MACROD2: variants seen among roughly 807,000 people sequenced by gnomAD.
The protein encoded by MACROD2 is ADP-ribose glycohydrolase MACROD2.
In MACROD2, 36 loss-of-function variants were observed where a neutral mutation model predicts 70.4. The ratio of observed to expected loss-of-function variants is 0.51; its 90% CI spans 0.39 to 0.68. The LOEUF (loss-of-function observed/expected upper bound fraction) is 0.68, where lower values mean the gene tolerates loss of function less well. MACROD2 is among the 30% of genes least tolerant of loss of function. The pLI is 0.00. For synonymous variants in MACROD2, 172 were observed against 178.8 expected (o/e 0.96, Z 0.30); for missense variants, 496 against 538.4 (o/e 0.92, Z 0.78).
At chr20:15,378,409 G>A (rs1034970712) in intron 6 of MACROD2, among the ~76,000 whole-genome samples, 1 of 152,000 alleles carries the variant, frequency 6.6e-6, no homozygotes, top group African/African-American at 2.4e-5. Context: ...GAAGAGAAAG[G>A]TAGGGGCACA....
chr20:14,978,722 A>G (rs1321777940), intron 5 of MACROD2, among the ~76,000 whole-genome samples: 2 of 146,924 alleles, frequency 1.4e-5, no homozygotes, highest in Non-Finnish European at 3.0e-5. Flanking sequence ...CAACAGTTTA[A>G]CAATCTGGTT....
At chr20:14,152,043 G>A (rs1042643280) in intron 3 of MACROD2, among the ~76,000 whole-genome samples, 2 of 151,372 alleles carry the variant, frequency 1.3e-5, no homozygotes, top group African/African-American at 4.9e-5. Context: ...GGATGGTCTC[G>A]ATCTCCTGAC....
chr20:15,772,102 ATAT>A (rs1434650117), intron 8 of MACROD2, among the ~76,000 whole-genome samples: 1,321 of 77,444 alleles, frequency 0.017, 51 homozygotes, highest in African/African-American at 0.047. Context: ...AAAAAAAAAA[ATAT>A]ATATATATAT....
chr20:15,177,055 C>A (rs1465712051), intron 5 of MACROD2, among the ~76,000 whole-genome samples: 1 of 152,188 alleles, frequency 6.6e-6, no homozygotes, highest in East Asian at 1.9e-4. Flanking sequence ...GCCTGCATGC[C>A]TGGCTGTGCA....
At chr20:15,493,289 T>A (rs1413157955) in intron 7 of MACROD2, among the ~76,000 whole-genome samples, 1 of 152,156 alleles carries the variant, frequency 6.6e-6, no homozygotes, top group Non-Finnish European at 1.5e-5. Flanking sequence ...GAATGGTGCA[T>A]GGGGTTAAGG....
intron 5 of MACROD2, among the ~76,000 whole-genome samples, chr20:15,138,583 A>C (rs937268971): frequency 6.6e-6 from 1 of 152,186 alleles, no homozygotes; most frequent in Non-Finnish European, 1.5e-5. Flanking sequence ...ATTTTCTCTC[A>C]AATAATTCAA....
In MACROD2 at chr20:15,167,577, C is replaced by T. The variant is rs569826379; in HGVS notation, c.419-62363C>T. Among the ~76,000 whole-genome samples, 9 of 152,290 alleles carry T rather than the reference C, an allele frequency of 5.9e-5. 1 individual carries two copies. In the East Asian group the frequency reaches 1.5e-3, roughly 26 times the overall value. ...TTTTACAATTGCTCTTCAGAGGCCT[C>T]CCCTGCTCTCATTATCTACTATAAT... On this transcript the variant is annotated intron_variant, in intron 5 of 17. Transcript: ENST00000684519.
At chr20:14,676,989 G>T (rs1327771327) in intron 4 of MACROD2, among the ~76,000 whole-genome samples, 1 of 152,076 alleles carries the variant, frequency 6.6e-6, no homozygotes, top group Admixed American at 6.6e-5. Context: ...TCTGTATTTA[G>T]AACTTTGTCT....
chr20:14,791,727 C>A (rs1324210254), intron 5 of MACROD2, among the ~76,000 whole-genome samples: 2 of 151,702 alleles, frequency 1.3e-5, no homozygotes, highest in African/African-American at 4.8e-5. Flanking sequence ...TGAAGAAATT[C>A]GTATATGTAA....
chr20:15,354,927 G>A (rs1218336785), intron 6 of MACROD2, among the ~76,000 whole-genome samples: 1 of 152,154 alleles, frequency 6.6e-6, no homozygotes, highest in African/African-American at 2.4e-5. Flanking sequence ...TTGTGCACTA[G>A]TTTTGTACTT....
At chr20:14,319,891 A>G (rs1028640597) in intron 3 of MACROD2, among the ~76,000 whole-genome samples, 1 of 151,746 alleles carries the variant, frequency 6.6e-6, no homozygotes, top group African/African-American at 2.4e-5. Flanking sequence ...TGATTATCTC[A>G]TCCGCCCTCT....
intron 5 of MACROD2, among the ~76,000 whole-genome samples, chr20:14,735,500 T>C (rs1479352833): frequency 1.3e-5 from 2 of 152,176 alleles, no homozygotes; most frequent in East Asian, 3.9e-4. Context: ...CAAGTGTTGG[T>C]GAGAATGCGG....
intron 4 of MACROD2, among the ~76,000 whole-genome samples, chr20:14,506,843 C>T (rs185397656): frequency 2.6e-4 from 39 of 152,172 alleles, no homozygotes; most frequent in African/African-American, 9.2e-4. Flanking sequence ...CCCAGCTACT[C>T]GTGAGGCTGA....
intron 3 of MACROD2, among the ~76,000 whole-genome samples, chr20:14,367,858 C>T (rs1156396583): frequency 6.6e-6 from 1 of 151,956 alleles, no homozygotes; most frequent in African/African-American, 2.4e-5. Context: ...ATTCTGTCTG[C>T]TGTTTCTTTT....
At chr20:15,408,095 G>T (rs950492950) in intron 6 of MACROD2, among the ~76,000 whole-genome samples, 2 of 152,208 alleles carry the variant, frequency 1.3e-5, no homozygotes, top group Non-Finnish European at 2.9e-5. Context: ...TTTAGGCAAT[G>T]CAAGGCAGGA....
chr20:15,878,046 C>T (rs2064700865), intron 9 of MACROD2, among the ~76,000 whole-genome samples: 1 of 152,030 alleles, frequency 6.6e-6, no homozygotes, highest in African/African-American at 2.4e-5. Context: ...CTCATGCCAC[C>T]CACAGACCTC....
intron 6 of MACROD2, among the ~76,000 whole-genome samples, chr20:15,421,512 T>C (rs6110597): frequency 0.13 from 20,234 of 152,162 alleles, 1,516 homozygotes; most frequent in South Asian, 0.27. Context: ...GACTAGAATA[T>C]GCTATTAGAA....
intron 4 of MACROD2, among the ~76,000 whole-genome samples, chr20:14,580,065 A>G (rs1046681955): frequency 2.0e-5 from 3 of 152,228 alleles, no homozygotes; most frequent in African/African-American, 7.2e-5. Flanking sequence ...AAGTGCCTTG[A>G]TGCTAAGTAG....
intron 3 of MACROD2, among the ~76,000 whole-genome samples, chr20:14,332,274 A>T (rs2082858352): frequency 6.6e-6 from 1 of 152,124 alleles, no homozygotes; most frequent in South Asian, 2.1e-4. Flanking sequence ...TACACCCAAT[A>T]AAACATGTAA....
Sources: allele counts gnomAD v4.1 joint callset (sites outside exome capture counted in the v4.1 genomes callset), GRCh38; gene constraint gnomAD v4.1.1; transcripts MANE v1.5; gene names NCBI Gene and HGNC (gene_info 2026-07-23, HGNC 2026-07-21).